The following CDYL variants were observed in gnomAD, a reference collection of about 807,000 sequenced individuals.
The protein encoded by CDYL is chromodomain Y like.
In CDYL, 8 loss-of-function variants were observed where a neutral mutation model predicts 47.3. That is an observed-to-expected ratio of 0.17 (90% confidence interval 0.10 to 0.31). The LOEUF is 0.31. CDYL is among the 10% of genes least tolerant of loss of function. CDYL has a pLI of 1.00. For synonymous variants in CDYL, 266 were observed against 265.0 expected (o/e 1.00, Z -0.04); for missense variants, 471 against 701.4 (o/e 0.67, Z 3.71).
At chr6:4,737,637 T>C (rs922786261) in intron 3 of CDYL, among the ~76,000 whole-genome samples, 10 of 148,134 alleles carry the variant, frequency 6.8e-5, no homozygotes, top group Non-Finnish European at 1.2e-4. Flanking sequence ...AAAAAAAAAA[T>C]AGCCTCAGCC....
intron 3 of CDYL, among the ~76,000 whole-genome samples, chr6:4,745,670 C>CT (rs1245011235): frequency 6.6e-6 from 1 of 152,198 alleles, no homozygotes; most frequent in Non-Finnish European, 1.5e-5. Context: ...TCACCAGGGT[C>CT]AAAGCCCAGC....
intron 2 of CDYL, among the ~76,000 whole-genome samples, chr6:4,732,156 A>G (rs1757616457): frequency 6.6e-6 from 1 of 151,898 alleles, no homozygotes; most frequent in African/African-American, 2.4e-5. Context: ...GCAACATAGC[A>G]AGATCCTGTC....
intron 1 of CDYL, among the ~76,000 whole-genome samples, chr6:4,784,456 C>T (rs1203976851): frequency 6.6e-6 from 1 of 152,034 alleles, no homozygotes; most frequent in Non-Finnish European, 1.5e-5. Context: ...GTGACATGAG[C>T]AGGGATTGAG....
At chr6:4,947,017 C>G (rs1264505519) in intron 5 of CDYL, among the ~76,000 whole-genome samples, 2 of 152,190 alleles carry the variant, frequency 1.3e-5, no homozygotes, top group South Asian at 2.1e-4. Context: ...AGAGCCCCCA[C>G]GTCAGTGAAT....
At chr6:4,830,476 C>T (rs1376301429) in intron 1 of CDYL, among the ~76,000 whole-genome samples, 1 of 152,162 alleles carries the variant, frequency 6.6e-6, no homozygotes, top group Non-Finnish European at 1.5e-5. Context: ...CTGGCAGGCA[C>T]TCCACAACTC....
intron 3 of CDYL, among the ~76,000 whole-genome samples, chr6:4,740,816 T>G (rs983438758): frequency 6.6e-6 from 1 of 151,674 alleles, no homozygotes; most frequent in Non-Finnish European, 1.5e-5. Flanking sequence ...AGATGGAGTC[T>G]TGCTCTGTCA....
At chr6:4,874,983 A>T (rs1761579941) in intron 1 of CDYL, among the ~76,000 whole-genome samples, 1 of 152,020 alleles carries the variant, frequency 6.6e-6, no homozygotes, top group South Asian at 2.1e-4. Context: ...GGTTCTTATG[A>T]CTAAAGTGGC....
chr6:4,815,421 A>G (rs1759644476), intron 1 of CDYL, among the ~76,000 whole-genome samples: 2 of 152,170 alleles, frequency 1.3e-5, no homozygotes, highest in Admixed American at 6.5e-5. Context: ...AGTGTAGAAT[A>G]CTGTCATTTA....
At chr6:4,939,092 A>G (rs774997183) in intron 4 of CDYL, among the ~76,000 whole-genome samples, 11 of 152,240 alleles carry the variant, frequency 7.2e-5, no homozygotes, top group Non-Finnish European at 1.6e-4. Flanking sequence ...GAAAAATGAA[A>G]GAAAACGTAG....
chr6:4,724,307 T>G (rs1316040287), intron 2 of CDYL: 1 of 151,984 alleles, frequency 6.6e-6, no homozygotes, highest in Non-Finnish European at 1.5e-5. Context: ...CACCTTGGCC[T>G]CCCAACGTGA....
At chr6:4,728,288 C>T (rs1467532835) in intron 2 of CDYL, among the ~76,000 whole-genome samples, 3 of 152,190 alleles carry the variant, frequency 2.0e-5, no homozygotes, top group Non-Finnish European at 4.4e-5. Context: ...GACTTTGCCT[C>T]GGGCTCACCC....
intron 3 of CDYL, among the ~76,000 whole-genome samples, chr6:4,768,548 G>A (rs77142534): frequency 1.3e-5 from 2 of 152,128 alleles, no homozygotes; most frequent in East Asian, 3.9e-4. Flanking sequence ...ATAATCCAGG[G>A]TATAAAATAA....
intron 1 of CDYL, among the ~76,000 whole-genome samples, chr6:4,795,153 T>A (rs183119323): frequency 0.046 from 6,786 of 148,878 alleles, 504 homozygotes; most frequent in African/African-American, 0.16. Flanking sequence ...TGCTCTTTTT[T>A]AAAAAAAAAA....
chr6:4,825,197 C>A (rs780324536), intron 1 of CDYL, among the ~76,000 whole-genome samples: 10 of 152,234 alleles, frequency 6.6e-5, no homozygotes, highest in South Asian at 6.2e-4. Context: ...ATAGGCCTTG[C>A]ATGAACCTAT....
intron 2 of CDYL, among the ~76,000 whole-genome samples, chr6:4,900,839 T>C (rs1757030389): frequency 9.1e-6 from 1 of 109,484 alleles, no homozygotes; most frequent in Non-Finnish European, 1.8e-5. Flanking sequence ...ATCTTGCCTG[T>C]TTTTCTTTTG....
At chr6:4,901,603 T>C (rs4376391) in intron 2 of CDYL, among the ~76,000 whole-genome samples, 16,887 of 152,182 alleles carry the variant, frequency 0.11, 2,532 homozygotes, top group African/African-American at 0.34. Flanking sequence ...GCAGAATTGG[T>C]GGGAAACTAG....
At chr6:4,939,126 A>C (rs1229488846) in intron 4 of CDYL, among the ~76,000 whole-genome samples, 1 of 152,236 alleles carries the variant, frequency 6.6e-6, no homozygotes, top group Non-Finnish European at 1.5e-5. Context: ...CAGTAAAGTA[A>C]GTTGGATCTT....
intron 2 of CDYL, among the ~76,000 whole-genome samples, chr6:4,934,002 G>A (rs966331061): frequency 7.9e-5 from 12 of 152,182 alleles, no homozygotes; most frequent in Admixed American, 5.2e-4. Flanking sequence ...TATTGTGGAA[G>A]GAATAACCAT....
intron 4 of CDYL, among the ~76,000 whole-genome samples, chr6:4,941,116 A>G (rs1192220366): frequency 5.3e-5 from 8 of 152,270 alleles, no homozygotes; most frequent in Non-Finnish European, 1.0e-4. Flanking sequence ...CTTCCCTGCC[A>G]TACCCAACAA....
Sources: gnomAD v4.1 joint callset for allele counts (sites outside exome capture counted in the v4.1 genomes callset) on GRCh38, gnomAD v4.1.1 for gene constraint, MANE v1.5 for transcripts, NCBI Gene and HGNC (gene_info 2026-07-23, HGNC 2026-07-21) for gene names.